Variants in TACSTD2 observed in about 807,000 individuals in gnomAD.
TACSTD2 encodes the protein tumor-associated calcium signal transducer 2.
Under a neutral mutation model 7.9 loss-of-function variants are expected in TACSTD2, and 6 were observed. The ratio of observed to expected loss-of-function variants is 0.76; its 90% CI spans 0.42 to 1.50. The LOEUF (loss-of-function observed/expected upper bound fraction) is 1.50. Among genes scored for constraint, TACSTD2 ranks in the 40% most tolerant of loss-of-function variants. The pLI is 0.01. For synonymous variants in TACSTD2, 220 were observed against 225.5 expected, an observed-to-expected ratio of 0.98 and a Z score of 0.22; for missense variants, 511 against 471.2, an observed-to-expected ratio of 1.08 and a Z score of -0.78.
rs1368889634 is a variant in TACSTD2 at position 58,576,427 on chromosome 1, A to T, written c.730T>A (p.Leu244Met). 4 of 1,613,760 alleles carry T rather than the reference A, an allele frequency of 2.5e-6. No individual in the cohort carries two copies. In the African/African-American group the frequency reaches 5.3e-5, roughly 22 times the overall value. The stretch of plus-strand genomic sequence containing the variant: ...TGCAGGGGTTCTCCGCGCACGCGCA[A>T]GTCCAGGCCGCCGCGGCCCTGGAAT... Reference protein sequence around the residue: ...SLFQGRGGLDLRVRGEPLQVE... With the variant: ...SLFQGRGGLDMRVRGEPLQVE... The change falls in exon 1 of 1, where the codon TTG (leucine) becomes ATG (methionine). Residue 244 changes from leucine to methionine, a missense_variant. By Grantham distance (15) the Leu-to-Met change is conservative (BLOSUM62 2). Transcript: ENST00000371225.
In TACSTD2 at chr1:58,577,218, C is replaced by G. The variant is rs970556680; in HGVS notation, c.-62G>C. 7.6e-6 allele frequency: 10 copies of G among 1,317,246 alleles called. No homozygotes were observed. Among genetic ancestry groups the G allele is most frequent in the Non-Finnish European group, 9.6e-6 (10 of 1,039,824 alleles). The allele number at this position is 1,317,246 out of a possible 1,614,324, so 81.6% of individuals were successfully genotyped here. ...TGAGGCGCGGGGACTCGTCGGGGCT[C>G]GGGCTCCGGCGTCTGGGATGGTCTG... is the stretch of plus-strand genomic sequence containing the variant. On this transcript the variant is annotated 5_prime_UTR_variant, in exon 1 of 1. Transcript: ENST00000371225.
rs1427623051 is a variant in TACSTD2 at position 58,576,162 on chromosome 1, C to T, written c.*23G>A. The T allele has an allele frequency of 2.5e-6, 4 of 1,611,062 alleles. No individual in the cohort carries two copies. The highest frequency in any genetic ancestry group is 1.3e-5 in the African/African-American group (1 of 74,874). ...CGATACCGAAATCCGGTACCCCACC[C>T]CATCCCCTGCCCCGCCGGGTACCTA... On this transcript the variant is annotated 3_prime_UTR_variant, in exon 1 of 1. Transcript: ENST00000371225.
At position 58,576,840 on chromosome 1, in the gene TACSTD2, G is replaced by A. The variant is rs781060360; in HGVS notation, c.317C>T (p.Pro106Leu). 2 of 1,595,090 alleles carry A rather than the reference G, an allele frequency of 1.3e-6. No homozygotes were observed. The highest frequency in any genetic ancestry group is 2.2e-5 in the South Asian group (2 of 90,118). ...ALVDNDGLYD[P>L]DCDPEGRFKA... ...GAAGCGGCCCTCGGGGTCGCAGTCG[G>A]GGTCGTAGAGGCCATCGTTGTCCAC... The change falls in exon 1 of 1, where the codon CCC becomes CTC. Residue 106 changes from proline to leucine, a missense_variant. Transcript: ENST00000371225.
In TACSTD2 at chr1:58,576,550, T is replaced by C. The variant is rs753291222; in HGVS notation, c.607A>G (p.Ile203Val). 6.2e-7 allele frequency: 1 copy of C among 1,612,346 alleles called. No individual in the cohort carries two copies. The highest frequency in any genetic ancestry group is 2.2e-5 in the East Asian group (1 of 44,834). ...AVHYEQPTIQ[I>V]ELRQNTSQKA... ...TGAGACGTGTTCTGCCGCAGCTCGA[T>C]CTGGATGGTGGGCTGCTCGTAGTGC... Residue 203 changes from isoleucine to valine, a missense_variant, in exon 1 of 1, where the codon ATC becomes GTC. Transcript: ENST00000371225.
Position 58,576,664 on chromosome 1 carries a change from C to G in TACSTD2, c.493G>C (p.Gly165Arg), listed in dbSNP as rs765391686. 3 of 1,604,014 alleles carry G rather than the reference C, an allele frequency of 1.9e-6. No individual in the cohort carries two copies. Among genetic ancestry groups the G allele is most frequent in the East Asian group, 2.2e-5 (1 of 44,758 alleles). ...LIDLRHRPTAGAFNHSDLDAE... is the reference protein window; with the variant it reads ...LIDLRHRPTARAFNHSDLDAE... ...TCCAGGTCTGAGTGGTTGAAGGCGC[C>G]GGCGGTGGGGCGGTGGCGCAGGTCA... Residue 165 changes from glycine to arginine, a missense_variant, in exon 1 of 1, where the codon GGC (glycine) becomes CGC (arginine). Coordinates refer to ENST00000371225, the MANE Select transcript of TACSTD2 (RefSeq NM_002353.3).
In TACSTD2 at chr1:58,575,966, A is replaced by C. The variant is rs1157132940; in HGVS notation, c.*219T>G. 19 of 613,328 alleles carry C rather than the reference A, an allele frequency of 3.1e-5. No homozygotes were observed. Among genetic ancestry groups the C allele is most frequent in the Admixed American group, 3.0e-4 (9 of 30,386 alleles). The allele number at this position is 613,328 out of a possible 1,614,324, so 38.0% of individuals were successfully genotyped here. ...CTGTTGTTGGACCGAAAGGGGATAC[A>C]TTTTAGAAATGCTTCCTTCAAGACA... On this transcript the variant is annotated 3_prime_UTR_variant, in exon 1 of 1. Transcript: ENST00000371225.
At position 58,577,198 on chromosome 1, in the gene TACSTD2, C is replaced by T; in HGVS notation, c.-42G>A. ...GCGGACCGGACGCGGGCGGATGAGG[C>T]GCGGGGACTCGTCGGGGCTCGGGCT... is the stretch of plus-strand genomic sequence containing the variant. On this transcript the variant is annotated 5_prime_UTR_variant, in exon 1 of 1. Transcript: ENST00000371225. The T allele has an allele frequency of 4.5e-6, 6 of 1,330,822 alleles. No individual in the cohort carries two copies. Among genetic ancestry groups the T allele is most frequent in the African/African-American group, 1.5e-5 (1 of 64,680 alleles). 82.4% of individuals were successfully genotyped at this position (1,330,822 alleles called of 1,614,324 possible).
chr1:58,576,850 G>T lies in TACSTD2; in HGVS notation c.307C>A (p.Leu103Ile). ...TCGGGGTCGCAGTCGGGGTCGTAGA[G>T]GCCATCGTTGTCCACGAGCGCGTGC... ...SEHALVDNDG[L>I]YDPDCDPEGR... is the part of the protein sequence containing the mutation. Residue 103 changes from leucine to isoleucine, a missense_variant, in exon 1 of 1, where the codon CTC (leucine) becomes ATC (isoleucine). Coordinates refer to ENST00000371225, the MANE Select transcript of TACSTD2 (RefSeq NM_002353.3). 1 of 1,594,664 alleles carries T rather than the reference G, an allele frequency of 6.3e-7. No homozygotes were observed.
chr1:58,576,123 A>C lies in TACSTD2; in HGVS notation c.*62T>G, dbSNP rs1039529281. 3.2e-6 allele frequency: 5 copies of C among 1,574,242 alleles called. No homozygotes were observed. The highest frequency in any genetic ancestry group is 4.3e-6 in the Non-Finnish European group (5 of 1,161,966). ...GCCGAGGAATCAGGAAGCGTGACTC[A>C]CTTGGGTCTGGGACGATACCGAAAT... On this transcript the variant is annotated 3_prime_UTR_variant, in exon 1 of 1. Transcript: ENST00000371225.
At position 58,576,912 on chromosome 1, in the gene TACSTD2, G is replaced by A. The variant is rs1428893305; in HGVS notation, c.245C>T (p.Ala82Val). 6.3e-6 allele frequency: 10 copies of A among 1,587,130 alleles called. No homozygotes were observed. Among genetic ancestry groups the A allele is most frequent in the African/African-American group, 4.0e-5 (3 of 74,612 alleles). Residue 82 changes from alanine (A) to valine (V), a missense_variant, in exon 1 of 1, where the codon GCC becomes GTC. Transcript: ENST00000371225. ...KCLLLKARMSAPKNARTLVRP... is the reference protein window; with the variant it reads ...KCLLLKARMSVPKNARTLVRP... ...CACCAGCGTGCGGGCGTTCTTGGGGGCGCTCATGCGCGCCTTGAGCAGCAG... is the reference window on the plus strand; with the variant it reads ...CACCAGCGTGCGGGCGTTCTTGGGGACGCTCATGCGCGCCTTGAGCAGCAG...
rs774395222 is a variant in TACSTD2, at chr1:58,576,505, C to T, written c.652G>A (p.Asp218Asn). The change falls in exon 1 of 1, where the codon GAT becomes AAT. Residue 218 changes from aspartate to asparagine, a missense_variant. Coordinates refer to ENST00000371225, the MANE Select transcript of TACSTD2 (RefSeq NM_002353.3). ...AAGTAGTAGGCGGCATCGCCGATAT[C>T]CACGTCACCGGCGGCCTTCTGAGAC... is the stretch of plus-strand genomic sequence containing the variant. ...NTSQKAAGDV[D>N]IGDAAYYFER... The T allele has an allele frequency of 1.9e-6, 3 of 1,613,104 alleles. No homozygotes were observed. The highest frequency in any genetic ancestry group is 3.3e-5 in the Admixed American group (2 of 59,938).
rs1646891193 is a variant in TACSTD2 at position 58,577,147 on chromosome 1, C to G, written c.10G>C (p.Gly4Arg). The change falls in exon 1 of 1, where the codon GGC becomes CGC. Residue 4 changes from glycine (G) to arginine (R), a missense_variant. By Grantham distance (125) the Gly-to-Arg change is moderately radical. Coordinates refer to ENST00000371225, the MANE Select transcript of TACSTD2 (RefSeq NM_002353.3). ...AGCGGTGGCGGCGCGAGGCCGGGGC[C>G]CCGAGCCATGGTGGGGCGGAGGAAC... MAR[G>R]PGLAPPPLRL... The G allele has an allele frequency of 3.6e-6, 5 of 1,379,354 alleles. No individual in the cohort carries two copies. The South Asian group carries it at 5.2e-5, about 14-fold the overall frequency. The allele number at this position is 1,379,354 out of a possible 1,614,324, so 85.4% of individuals were successfully genotyped here. A position where few individuals can be genotyped will look rare whatever the true frequency, so the allele number is the denominator to read the frequency against.
chr1:58,576,035 C>T lies in TACSTD2; in HGVS notation c.*150G>A. ...GACCCTGAGGCCAGGATCTATTAAA[C>T]CTGGTGTGTGCGCAAAAGGGAGGGG... On this transcript the variant is annotated 3_prime_UTR_variant, in exon 1 of 1. Coordinates refer to ENST00000371225, the MANE Select transcript of TACSTD2 (RefSeq NM_002353.3). 1.1e-6 allele frequency: 1 copy of T among 942,998 alleles called. No homozygotes were observed. The highest frequency in any genetic ancestry group is 1.7e-5 in the African/African-American group (1 of 60,248). The allele number at this position is 942,998 out of a possible 1,614,324, so 58.4% of individuals were successfully genotyped here. A position where few individuals can be genotyped will look rare whatever the true frequency, so the allele number is the denominator to read the frequency against.
chr1:58,576,270 A>T lies in TACSTD2; in HGVS notation c.887T>A (p.Val296Glu). 6.2e-7 allele frequency: 1 copy of T among 1,613,840 alleles called. No homozygotes were observed. The highest frequency in any genetic ancestry group is 1.1e-5 in the South Asian group (1 of 91,032). The change falls in exon 1 of 1, where the codon GTG becomes GAG. Residue 296 changes from valine to glutamate, a missense_variant. Physicochemically the swap from Val to Glu is moderately radical, Grantham distance 121. Coordinates refer to ENST00000371225, the MANE Select transcript of TACSTD2 (RefSeq NM_002353.3). ...CCCCGACTTTCTCCGGTTGGTGATC[A>T]CCAGGACGGCCATGCCGGCGACGAG... ...VALVAGMAVLVITNRRKSGKY... is the reference protein window; with the variant it reads ...VALVAGMAVLEITNRRKSGKY...
In TACSTD2 at chr1:58,576,543, A is replaced by C; in HGVS notation, c.614T>G (p.Leu205Arg). The C allele has an allele frequency of 1.2e-6, 2 of 1,612,366 alleles. No individual in the cohort carries two copies. The highest frequency in any genetic ancestry group is 2.2e-5 in the South Asian group (2 of 90,830). ...GGCCTTCTGAGACGTGTTCTGCCGC[A>C]GCTCGATCTGGATGGTGGGCTGCTC... ...HYEQPTIQIE[L>R]RQNTSQKAAG... The change falls in exon 1 of 1, where the codon CTG (leucine) becomes CGG (arginine). Residue 205 changes from leucine to arginine, a missense_variant. Transcript: ENST00000371225.
At position 58,576,011 on chromosome 1, in the gene TACSTD2, A is replaced by G; in HGVS notation, c.*174T>C. 1 of 744,880 alleles carries G rather than the reference A, an allele frequency of 1.3e-6. No individual in the cohort carries two copies. The highest frequency in any genetic ancestry group is 2.1e-6 in the Non-Finnish European group (1 of 470,708). The allele number at this position is 744,880 out of a possible 1,614,324, so 46.1% of individuals were successfully genotyped here. A position where few individuals can be genotyped will look rare whatever the true frequency, so the allele number is the denominator to read the frequency against. ...AAGACAGAAGTGAGAAAGAAAGGAG[A>G]CCCTGAGGCCAGGATCTATTAAACC... On this transcript the variant is annotated 3_prime_UTR_variant, in exon 1 of 1. Coordinates refer to ENST00000371225, the MANE Select transcript of TACSTD2 (RefSeq NM_002353.3).
Position 58,576,126 on chromosome 1 carries a change from T to G in TACSTD2, c.*59A>C, listed in dbSNP as rs886046456. On this transcript the variant is annotated 3_prime_UTR_variant, in exon 1 of 1. Coordinates refer to ENST00000371225, the MANE Select transcript of TACSTD2 (RefSeq NM_002353.3). ...GAGGAATCAGGAAGCGTGACTCACT[T>G]GGGTCTGGGACGATACCGAAATCCG... 5.1e-6 allele frequency: 8 copies of G among 1,581,258 alleles called. No individual in the cohort carries two copies. The highest frequency in any genetic ancestry group is 2.7e-5 in the African/African-American group (2 of 73,302).
In TACSTD2 at chr1:58,576,863, C is replaced by A; in HGVS notation, c.294G>T (p.Val98=). 1 of 1,593,504 alleles carries A rather than the reference C, an allele frequency of 6.3e-7. No homozygotes were observed. The highest frequency in any genetic ancestry group is 8.5e-7 in the Non-Finnish European group (1 of 1,176,736). The stretch of plus-strand genomic sequence containing the variant: ...CGGGGTCGTAGAGGCCATCGTTGTC[C>A]ACGAGCGCGTGCTCACTCGGCCGCA... The part of the protein sequence containing the change: ...TLVRPSEHAL[V]DNDGLYDPDC... Residue 98 remains valine, a synonymous_variant, in exon 1 of 1, where the codon GTG becomes GTT. Transcript: ENST00000371225.
Position 58,575,803 on chromosome 1 carries a change from C to A in TACSTD2, c.*382G>T. ...CCCAAGGCGATAACAACGCTATTTC[C>A]CATCTAAACTCATTTAAGCCTTCAC... On this transcript the variant is annotated 3_prime_UTR_variant, in exon 1 of 1. Coordinates refer to ENST00000371225, the MANE Select transcript of TACSTD2 (RefSeq NM_002353.3). 1 of 214,576 alleles carries A rather than the reference C, an allele frequency of 4.7e-6. No individual in the cohort carries two copies. Among genetic ancestry groups the A allele is most frequent in the Non-Finnish European group, 9.3e-6 (1 of 107,078 alleles). The allele number at this position is 214,576 out of a possible 1,614,324, so 13.3% of individuals were successfully genotyped here.
Sources: allele counts gnomAD v4.1 joint callset, GRCh38; gene constraint gnomAD v4.1.1; transcripts MANE v1.5; gene names NCBI Gene and HGNC (gene_info 2026-07-23, HGNC 2026-07-21).